Variants in KLF8 observed in about 807,000 individuals in gnomAD.
The protein encoded by KLF8 is Krueppel-like factor 8.
In KLF8, 10 loss-of-function variants were observed where a neutral mutation model predicts 18.2. The ratio of observed to expected loss-of-function variants is 0.55; its 90% CI spans 0.34 to 0.93. The LOEUF (loss-of-function observed/expected upper bound fraction) is 0.93, where lower values mean the gene tolerates loss of function less well. KLF8 is among the 40% of genes least tolerant of loss of function. The probability of loss-of-function intolerance (pLI) is 0.02; values close to 1 mark genes in which losing one functional copy is unlikely to be tolerated. For synonymous variants in KLF8, 109 were observed against 97.3 expected, an observed-to-expected ratio of 1.12 and a Z score of -0.71; for missense variants, 264 against 277.9, an observed-to-expected ratio of 0.95 and a Z score of 0.36.
At chrX:56,221,726 G>A in the KLF8 span, among the ~76,000 whole-genome samples, 1 of 111,707 alleles carries the variant, frequency 9.0e-6, no homozygotes, top group Non-Finnish European at 1.9e-5. Flanking sequence ...TGAAGCTGCA[G>A]ACCTTCACGA....
At chrX:56,231,498 G>A (rs187071920), upstream of KLF8, among the ~76,000 whole-genome samples, 3 of 111,643 alleles carry the variant, frequency 2.7e-5, no homozygotes, top group Admixed American at 1.9e-4. Flanking sequence ...TGAATACATG[G>A]CAGATATTAT....
the KLF8 span, among the ~76,000 whole-genome samples, chrX:56,108,459 TTA>T: frequency 8.9e-6 from 1 of 112,064 alleles, no homozygotes; most frequent in Non-Finnish European, 1.9e-5. Context: ...ACTGAGAAGA[TTA>T]TGTTATCTTT....
the KLF8 span, among the ~76,000 whole-genome samples, chrX:56,137,268 G>T: frequency 6.4e-5 from 7 of 108,844 alleles, no homozygotes; most frequent in African/African-American, 1.7e-4. Flanking sequence ...TATACCCAAA[G>T]GACTATAAAT....
the KLF8 span, among the ~76,000 whole-genome samples, chrX:55,924,072 C>T: frequency 6.3e-5 from 7 of 110,562 alleles, no homozygotes; most frequent in African/African-American, 2.3e-4. Context: ...CCCCACGCAC[C>T]CCTAACATTT....
At chrX:56,185,410 A>G in the KLF8 span, among the ~76,000 whole-genome samples, 1 of 112,429 alleles carries the variant, frequency 8.9e-6, no homozygotes, top group Non-Finnish European at 1.9e-5. Flanking sequence ...GGTGTACCTG[A>G]AAGTGACGGG....
the KLF8 span, among the ~76,000 whole-genome samples, chrX:56,152,925 G>A: frequency 8.9e-6 from 1 of 111,828 alleles, no homozygotes; most frequent in Non-Finnish European, 1.9e-5. Context: ...ACATAGCATA[G>A]CATAAGAATC....
At chrX:56,084,938 C>G in the KLF8 span, among the ~76,000 whole-genome samples, 1 of 112,059 alleles carries the variant, frequency 8.9e-6, no homozygotes, top group Admixed American at 9.5e-5. Flanking sequence ...CAGTCATTAC[C>G]AATCAAGGAC....
chrX:55,956,125 CTATT>C, the KLF8 span, among the ~76,000 whole-genome samples: 51 of 71,022 alleles, frequency 7.2e-4, no homozygotes, highest in East Asian at 2.3e-3. Context: ...AAATATCTAT[CTATT>C]TATCTATCTA....
chrX:56,213,153 A>G, the KLF8 span, among the ~76,000 whole-genome samples: 4 of 110,439 alleles, frequency 3.6e-5, no homozygotes, highest in Non-Finnish European at 7.6e-5. Context: ...TTTATGGTAT[A>G]GTGAAACATG....
At chrX:55,975,290 GT>G in the KLF8 span, among the ~76,000 whole-genome samples, 1 of 111,526 alleles carries the variant, frequency 9.0e-6, no homozygotes, top group South Asian at 3.8e-4. Flanking sequence ...CATTTGGCAT[GT>G]TGGGAGGATT....
At chrX:56,209,534 C>A in the KLF8 span, among the ~76,000 whole-genome samples, 4 of 111,505 alleles carry the variant, frequency 3.6e-5, no homozygotes, top group African/African-American at 1.3e-4. Context: ...GAGACTGAGG[C>A]AGGATAATTG....
At chrX:56,036,305 G>T in the KLF8 span, among the ~76,000 whole-genome samples, 1,904 of 111,336 alleles carry the variant, frequency 0.017, 27 homozygotes, top group Admixed American at 0.026. Context: ...TAGTTTTATA[G>T]TTTTGTTTCT....
chrX:56,127,401 G>A, the KLF8 span, among the ~76,000 whole-genome samples: 2 of 111,321 alleles, frequency 1.8e-5, no homozygotes, highest in Non-Finnish European at 3.8e-5. Flanking sequence ...AATCACAGTC[G>A]CTTATGCCTA....
At chrX:56,017,706 G>T in the KLF8 span, among the ~76,000 whole-genome samples, 15 of 111,140 alleles carry the variant, frequency 1.3e-4, no homozygotes, top group African/African-American at 4.9e-4. Context: ...AGTTGTATAT[G>T]ATAACCTTTT....
the KLF8 span, among the ~76,000 whole-genome samples, chrX:56,105,268 T>C: frequency 9.0e-6 from 1 of 111,654 alleles, no homozygotes; most frequent in Non-Finnish European, 1.9e-5. Flanking sequence ...CTGGATATCC[T>C]TGTTAACCTT....
chrX:56,272,860 A>G (rs1438096495), intron 5 of KLF8, among the ~76,000 whole-genome samples: 1 of 111,197 alleles, frequency 9.0e-6, no homozygotes, highest in African/African-American at 3.3e-5. Flanking sequence ...AGGACTTCCC[A>G]TCACACTCTG....
the KLF8 span, among the ~76,000 whole-genome samples, chrX:56,169,274 G>A: frequency 2.7e-5 from 3 of 111,606 alleles, no homozygotes; most frequent in African/African-American, 9.8e-5. Context: ...CCCAACCGCG[G>A]TGGCTACAGG....
At chrX:55,950,846 A>G in the KLF8 span, among the ~76,000 whole-genome samples, 25 of 112,174 alleles carry the variant, frequency 2.2e-4, no homozygotes, top group Non-Finnish European at 1.3e-4. Context: ...TCCCACAAAG[A>G]CTAACAGAAA....
At chrX:56,008,701 G>A in the KLF8 span, among the ~76,000 whole-genome samples, 1 of 112,031 alleles carries the variant, frequency 8.9e-6, no homozygotes, top group African/African-American at 3.2e-5. Context: ...GAGCTCCTGG[G>A]GTGAAGGGCA....
Sources: gnomAD v4.1 joint callset for allele counts (sites outside exome capture counted in the v4.1 genomes callset) on GRCh38, gnomAD v4.1.1 for gene constraint, MANE v1.5 for transcripts, NCBI Gene and HGNC (gene_info 2026-07-23, HGNC 2026-07-21) for gene names.